The following ZCCHC17 variants were observed in gnomAD, a reference collection of about 807,000 sequenced individuals.
ZCCHC17 encodes zinc finger CCHC-type containing 17.
A neutral mutation model predicts 30.6 loss-of-function variants in ZCCHC17; 18 were observed. That is an observed-to-expected ratio of 0.59 (90% CI 0.41 to 0.87). ZCCHC17 has a LOEUF of 0.87. Among genes scored for constraint, ZCCHC17 ranks in the 40% least tolerant of loss-of-function variants. The pLI is 0.00. For synonymous variants in ZCCHC17, 88 were observed against 92.4 expected (o/e 0.95, Z 0.27); for missense variants, 263 against 284.2 (o/e 0.93, Z 0.54).
At position 31,330,940 on chromosome 1, in the gene ZCCHC17, A is replaced by T. The variant is rs886840669; in HGVS notation, c.125-6235A>T. Among the ~76,000 whole-genome samples the T allele has an allele frequency of 2.6e-5, 4 of 152,204 alleles. No individual in the cohort carries two copies. The East Asian group carries it at 7.7e-4, about 29-fold the overall frequency. On this transcript the variant is annotated intron_variant, in intron 3 of 7. Coordinates refer to ENST00000344147, the MANE Select transcript of ZCCHC17 (RefSeq NM_016505.4). ...AATTCAGACTGCTTTCTGAGAATGAATCTAGTCATGAATCCCTCCCATACA... is the reference window on the plus strand; with the variant it reads ...AATTCAGACTGCTTTCTGAGAATGATTCTAGTCATGAATCCCTCCCATACA...
intron 1 of ZCCHC17, among the ~76,000 whole-genome samples, chr1:31,297,581 A>C (rs890735747): frequency 1.3e-5 from 2 of 152,156 alleles, no homozygotes; most frequent in South Asian, 4.1e-4. Context: ...TTCATTTAGC[A>C]GCGCGTTGGG....
At position 31,364,296 on chromosome 1, in the gene ZCCHC17, A is replaced by G; in HGVS notation, c.*103A>G. 1 of 1,453,510 alleles carries G rather than the reference A, an allele frequency of 6.9e-7. No homozygotes were observed. The allele number at this position is 1,453,510 out of a possible 1,614,324, so 90.0% of individuals were successfully genotyped here. ...TAGTGAGAATATAGCCTCCCACCCC[A>G]TTAACTTCGCTCCCATGGGAGATGG... On this transcript the variant is annotated 3_prime_UTR_variant, in exon 8 of 8. Coordinates refer to ENST00000344147, the MANE Select transcript of ZCCHC17 (RefSeq NM_016505.4).
chr1:31,323,429 C>T (rs1412374139), intron 3 of ZCCHC17, among the ~76,000 whole-genome samples: 2 of 152,086 alleles, frequency 1.3e-5, no homozygotes, highest in East Asian at 3.9e-4. Flanking sequence ...TCACGCCATT[C>T]TCCTGTCTCA....
chr1:31,298,381 TTTTTTG>T (rs1226644724), intron 1 of ZCCHC17, among the ~76,000 whole-genome samples: 1 of 147,814 alleles, frequency 6.8e-6, no homozygotes, highest in East Asian at 2.0e-4. Flanking sequence ...AGACCAGTTT[TTTTTTG>T]TTTTTTTTTT....
rs577518500 is a variant in ZCCHC17, at chr1:31,319,192, G to A, written c.124+26G>A. The A allele has an allele frequency of 5.7e-6, 9 of 1,591,504 alleles. No homozygotes were observed. The African/African-American group carries it at 9.4e-5, about 17-fold the overall frequency. ...GTAGGAGTTTATAACTTGAAATTCA[G>A]CCCTCTGATTCTACTCTCTGCTAAC... On this transcript the variant is annotated intron_variant, in intron 3 of 7. Coordinates refer to ENST00000344147, the MANE Select transcript of ZCCHC17 (RefSeq NM_016505.4).
chr1:31,318,160 G>GT (rs1646780479), intron 2 of ZCCHC17: 2 of 1,533,032 alleles, frequency 1.3e-6, no homozygotes, highest in East Asian at 4.9e-5. Context: ...TACTCCCCTT[G>GT]TTTTAGTTAT....
intron 2 of ZCCHC17, among the ~76,000 whole-genome samples, chr1:31,313,272 A>G (rs752463671): frequency 2.8e-4 from 42 of 149,798 alleles, no homozygotes; most frequent in Non-Finnish European, 4.6e-4. Context: ...AGGTCTCACT[A>G]TGTTGCCCAG....
intron 3 of ZCCHC17, among the ~76,000 whole-genome samples, chr1:31,330,773 G>GA (rs1217435861): frequency 3.3e-5 from 5 of 152,184 alleles, no homozygotes; most frequent in Non-Finnish European, 7.3e-5. Flanking sequence ...AGGATTAAAT[G>GA]AATGGATGGA....
chr1:31,359,199 C>T (rs1186081063), intron 7 of ZCCHC17, among the ~76,000 whole-genome samples: 3 of 152,044 alleles, frequency 2.0e-5, no homozygotes, highest in African/African-American at 7.2e-5. Context: ...CTCCTAGGCT[C>T]AAGAGATCCA....
chr1:31,345,319 G>A (rs989670510), intron 5 of ZCCHC17, among the ~76,000 whole-genome samples: 6 of 151,072 alleles, frequency 4.0e-5, no homozygotes, highest in African/African-American at 1.5e-4. Context: ...ACCTCGCCCG[G>A]CTAATTTTTT....
At chr1:31,352,761 T>C (rs1334533887) in intron 7 of ZCCHC17, among the ~76,000 whole-genome samples, 1 of 152,220 alleles carries the variant, frequency 6.6e-6, no homozygotes, top group Non-Finnish European at 1.5e-5. Context: ...TTTATGTATA[T>C]ACCACATTTT....
chr1:31,342,190 A>G (rs1055738882), intron 5 of ZCCHC17, among the ~76,000 whole-genome samples: 2 of 152,056 alleles, frequency 1.3e-5, no homozygotes, highest in African/African-American at 4.8e-5. Flanking sequence ...GATTACAGGC[A>G]TAGTCCACCA....
chr1:31,340,315 G>GTTTTTTTTTT (rs71028757), intron 5 of ZCCHC17, among the ~76,000 whole-genome samples: 5 of 95,092 alleles, frequency 5.3e-5, no homozygotes, highest in Non-Finnish European at 1.0e-4. Context: ...ATCTTGGAGG[G>GTTTTTTTTTT]TTTTTTTTTT....
intron 7 of ZCCHC17, among the ~76,000 whole-genome samples, chr1:31,349,918 C>G (rs1024589472): frequency 6.6e-6 from 1 of 152,072 alleles, no homozygotes; most frequent in African/African-American, 2.4e-5. Context: ...GGATAAATTC[C>G]TAAGTAAGAT....
chr1:31,337,268 G>A lies in ZCCHC17; in HGVS notation c.218G>A (p.Gly73Asp). 6.2e-7 allele frequency: 1 copy of A among 1,614,006 alleles called. No individual in the cohort carries two copies. The highest frequency in any genetic ancestry group is 8.5e-7 in the Non-Finnish European group (1 of 1,179,900). Residue 73 changes from glycine (G) to aspartate (D), a missense_variant, in exon 4 of 8, where the codon GGC becomes GAC. Gly to Asp is a moderately conservative substitution (Grantham distance 94). Coordinates refer to ENST00000344147, the MANE Select transcript of ZCCHC17 (RefSeq NM_016505.4). ...GATAAAGTGTGGGTGAAGCTTATTG[G>A]CCGAGAGGTAAAGTTCTGTGCGGCT... ...VGDKVWVKLI[G>D]REMKNDRIKV...
chr1:31,348,917 G>A lies in ZCCHC17; in HGVS notation c.507G>A (p.Lys169=), dbSNP rs369014020. 14 of 1,612,762 alleles carry A rather than the reference G, an allele frequency of 8.7e-6. No homozygotes were observed. Among genetic ancestry groups the A allele is most frequent in the African/African-American group, 1.3e-5 (1 of 74,838 alleles). ...PDEEEEKEEA[K]SAEFEKPDPT... ...AGGAAGAGGAAAAGGAAGAGGCAAA[G>A]TCAGCAGAGTTTGAGAAGCCTGACC... The change falls in exon 7 of 8, where the codon AAG becomes AAA. Residue 169 remains lysine, a synonymous_variant. Coordinates refer to ENST00000344147, the MANE Select transcript of ZCCHC17 (RefSeq NM_016505.4).
chr1:31,298,740 A>G (rs1181962997), intron 1 of ZCCHC17, among the ~76,000 whole-genome samples: 1 of 152,230 alleles, frequency 6.6e-6, no homozygotes, highest in African/African-American at 2.4e-5. Flanking sequence ...CATGACATCC[A>G]AGAGGCAGTT....
intron 6 of ZCCHC17, among the ~76,000 whole-genome samples, chr1:31,347,046 TA>T (rs1557453905): frequency 6.6e-6 from 1 of 152,140 alleles, no homozygotes; most frequent in Non-Finnish European, 1.5e-5. Flanking sequence ...AGTGTTGGAT[TA>T]TGATTAACAC....
intron 7 of ZCCHC17, among the ~76,000 whole-genome samples, chr1:31,356,063 TG>T (rs1476712638): frequency 1.3e-5 from 2 of 152,316 alleles, no homozygotes; most frequent in Non-Finnish European, 2.9e-5. Context: ...TAGGAATGCC[TG>T]GCGTGTGGAA....
Sources: allele counts gnomAD v4.1 joint callset (sites outside exome capture counted in the v4.1 genomes callset), GRCh38; gene constraint gnomAD v4.1.1; transcripts MANE v1.5; gene names NCBI Gene and HGNC (gene_info 2026-07-23, HGNC 2026-07-21).